The following GRB10 variants were observed in gnomAD, a reference collection of about 807,000 sequenced individuals.
GRB10 encodes the protein growth factor receptor-bound protein 10.
GRB10 carries 20 observed loss-of-function variants against 80.9 expected under a neutral mutation model. The ratio of observed to expected loss-of-function variants is 0.25; its 90% CI spans 0.17 to 0.36. The LOEUF (loss-of-function observed/expected upper bound fraction) is 0.36, where lower values mean the gene tolerates loss of function less well. Ranked by LOEUF, GRB10 falls within the 10% of genes least tolerant of loss-of-function variation. The pLI is 1.00. For missense variants in GRB10, 548 were observed against 747.7 expected (o/e 0.73, Z 3.12); for synonymous variants, 291 against 291.5 (o/e 1.00, Z 0.02).
In GRB10 at chr7:50,592,214, TAAC is replaced by T. The variant is rs1395821610; in HGVS notation, c.*735_*737del. On this transcript the variant is annotated 3_prime_UTR_variant, in exon 19 of 19. Transcript: ENST00000401949. ...CACTGTGCAGAACAAGACACACTAA[TAAC>T]AAGAGGATCTGACATCTGAGCATAG... 1 of 154,244 alleles carries T rather than the reference TAAC, an allele frequency of 6.5e-6. No individual in the cohort carries two copies. The highest frequency in any genetic ancestry group is 1.4e-5 in the Non-Finnish European group (1 of 69,524). 9.6% of individuals were successfully genotyped at this position (154,244 alleles called of 1,614,324 possible).
chr7:50,657,951 T>C (rs2058814336), intron 7 of GRB10, among the ~76,000 whole-genome samples: 1 of 152,212 alleles, frequency 6.6e-6, no homozygotes, highest in Non-Finnish European at 1.5e-5. Flanking sequence ...GTTAAGAGAC[T>C]GAGGCGAGAG....
intron 5 of GRB10, among the ~76,000 whole-genome samples, chr7:50,679,193 A>T (rs1444248614): frequency 6.6e-6 from 1 of 152,164 alleles, no homozygotes; most frequent in Non-Finnish European, 1.5e-5. Context: ...AGCTTGTCTG[A>T]TCTCAAATTC....
chr7:50,657,819 G>A (rs1202759390), intron 7 of GRB10, among the ~76,000 whole-genome samples: 4 of 152,166 alleles, frequency 2.6e-5, no homozygotes, highest in Non-Finnish European at 5.9e-5. Flanking sequence ...GAGGGAGGAT[G>A]TTTACCAAAT....
At chr7:50,690,517 G>A (rs753804948) in intron 5 of GRB10, among the ~76,000 whole-genome samples, 5 of 152,198 alleles carry the variant, frequency 3.3e-5, no homozygotes, top group South Asian at 2.1e-4. Flanking sequence ...CTGCTACTTC[G>A]AAAAAGGATT....
chr7:50,697,607 T>C (rs898899144), intron 5 of GRB10, among the ~76,000 whole-genome samples: 1 of 152,236 alleles, frequency 6.6e-6, no homozygotes, highest in African/African-American at 2.4e-5. Flanking sequence ...GGATCAAACA[T>C]ACCATGTAAA....
intron 7 of GRB10, 140 bp from the exon 8 acceptor site, chr7:50,627,118 G>T: frequency 1.2e-6 from 1 of 828,206 alleles, no homozygotes; most frequent in Non-Finnish European, 2.1e-6. Flanking sequence ...CAGCCAACAG[G>T]TCCCCACCAG....
At chr7:50,746,704 C>T (rs2072971609) in intron 3 of GRB10, among the ~76,000 whole-genome samples, 1 of 152,140 alleles carries the variant, frequency 6.6e-6, no homozygotes, top group Non-Finnish European at 1.5e-5. Context: ...CCTCCCATCC[C>T]CACCCTTTTC....
intron 7 of GRB10, among the ~76,000 whole-genome samples, chr7:50,628,398 G>A (rs779858340): frequency 5.9e-5 from 9 of 152,178 alleles, no homozygotes; most frequent in African/African-American, 1.4e-4. Context: ...TGTGGCCGGC[G>A]TGGAGTCTGA....
intron 1 of GRB10, among the ~76,000 whole-genome samples, chr7:50,781,929 A>G (rs2301926): frequency 0.91 from 138,067 of 152,280 alleles, 62,742 homozygotes; most frequent in African/African-American, 0.96. Flanking sequence ...GTTTACTCAA[A>G]GCTTTTTTAT....
Position 50,614,750 on chromosome 7 carries a change from T to A in GRB10, c.1095+20A>T. 1 of 1,519,972 alleles carries A rather than the reference T, an allele frequency of 6.6e-7. No individual in the cohort carries two copies. 94.2% of individuals were successfully genotyped at this position (1,519,972 alleles called of 1,614,324 possible). ...TGGGCTGCTGAGCATGCGCGCCGTCTGTGGACAGCTCGTGGGTACCTTTAT... is the reference window on the plus strand; with the variant it reads ...TGGGCTGCTGAGCATGCGCGCCGTCAGTGGACAGCTCGTGGGTACCTTTAT... On this transcript the variant is annotated intron_variant, in intron 12 of 18. Transcript: ENST00000401949.
chr7:50,667,154 A>G (rs910045584), intron 7 of GRB10, among the ~76,000 whole-genome samples: 2 of 151,886 alleles, frequency 1.3e-5, no homozygotes, highest in Non-Finnish European at 2.9e-5. Flanking sequence ...TTCCTTTCTC[A>G]TGGAAGTTTA....
At chr7:50,653,899 G>T (rs146623496) in intron 7 of GRB10, among the ~76,000 whole-genome samples, 2 of 152,336 alleles carry the variant, frequency 1.3e-5, no homozygotes, top group Non-Finnish European at 2.9e-5. Context: ...TGAACTGTAA[G>T]TGATTACAGA....
Position 50,592,663 on chromosome 7 carries a change from C to T in GRB10, c.*289G>A, listed in dbSNP as rs1028094673. The T allele has an allele frequency of 2.3e-5, 11 of 475,408 alleles. No individual in the cohort carries two copies. Among genetic ancestry groups the T allele is most frequent in the East Asian group, 7.9e-5 (2 of 25,258 alleles). 29.4% of individuals were successfully genotyped at this position (475,408 alleles called of 1,614,324 possible). A position where few individuals can be genotyped will look rare whatever the true frequency, so the allele number is the denominator to read the frequency against. On this transcript the variant is annotated 3_prime_UTR_variant, in exon 19 of 19. Coordinates refer to ENST00000401949, the MANE Select transcript of GRB10 (RefSeq NM_001350814.2). The stretch of plus-strand genomic sequence containing the variant: ...CTTCTCTCCGGTTCTTGTTCCTAAG[C>T]GGCCCAAGCCAAGATGATCATTCCA...
chr7:50,694,832 T>C (rs1460035136), intron 5 of GRB10, among the ~76,000 whole-genome samples: 1 of 152,200 alleles, frequency 6.6e-6, no homozygotes, highest in Non-Finnish European at 1.5e-5. Flanking sequence ...AATAACTACA[T>C]TATAGGTACA....
chr7:50,783,117 A>T (rs1385008459), upstream of GRB10, among the ~76,000 whole-genome samples: 1 of 152,228 alleles, frequency 6.6e-6, no homozygotes, highest in African/African-American at 2.4e-5. Flanking sequence ...GCTACGCCGC[A>T]TTCGCAGACA....
intron 5 of GRB10, among the ~76,000 whole-genome samples, chr7:50,678,158 A>G (rs1359323692): frequency 2.0e-5 from 3 of 152,240 alleles, no homozygotes; most frequent in African/African-American, 7.2e-5. Flanking sequence ...TTCCTGGGTC[A>G]TAGCTCTGCA....
intron 7 of GRB10, among the ~76,000 whole-genome samples, chr7:50,666,042 T>C (rs1243371702): frequency 6.6e-6 from 1 of 152,168 alleles, no homozygotes; most frequent in Non-Finnish European, 1.5e-5. Context: ...AAGAACTTGG[T>C]AAGCCTGCCT....
At position 50,604,335 on chromosome 7, in the gene GRB10, G is replaced by A. The variant is rs1438425179; in HGVS notation, c.1432C>T (p.Leu478Phe). Residue 478 changes from leucine (L) to phenylalanine (F), a missense_variant, in exon 16 of 19, where the codon CTC becomes TTC. Physicochemically the swap from Leu to Phe is conservative, Grantham distance 22 (BLOSUM62 0). Coordinates refer to ENST00000401949, the MANE Select transcript of GRB10 (RefSeq NM_001350814.2). ...RMNILGSQSP[L>F]HPSTLSTVIH... ...CCTGTACTTAGGGTAGAAGGGTGGAGGGGACTTTGGCTACCTAGGATGTTC... is the reference window on the plus strand; with the variant it reads ...CCTGTACTTAGGGTAGAAGGGTGGAAGGGACTTTGGCTACCTAGGATGTTC... 13 of 1,613,522 alleles carry A rather than the reference G, an allele frequency of 8.1e-6. No homozygotes were observed. Among genetic ancestry groups the A allele is most frequent in the Non-Finnish European group, 1.0e-5 (12 of 1,179,814 alleles).
chr7:50,639,892 T>C (rs1005483490), intron 7 of GRB10, among the ~76,000 whole-genome samples: 2 of 152,222 alleles, frequency 1.3e-5, no homozygotes. Flanking sequence ...GCATAGCCTG[T>C]TATTTTGAAA....
Sources: gnomAD v4.1 joint callset for allele counts (sites outside exome capture counted in the v4.1 genomes callset) on GRCh38, gnomAD v4.1.1 for gene constraint, MANE v1.5 for transcripts, NCBI Gene and HGNC (gene_info 2026-07-23, HGNC 2026-07-21) for gene names.